The following RGS7 variants were observed in gnomAD, a reference collection of about 807,000 sequenced individuals.
RGS7 encodes the protein regulator of G protein signaling 7.
Under a neutral mutation model 81.1 loss-of-function variants are expected in RGS7, and 27 were observed. The ratio of observed to expected loss-of-function variants is 0.33; its 90% CI spans 0.25 to 0.46. The LOEUF (loss-of-function observed/expected upper bound fraction) is 0.46, where lower values mean the gene tolerates loss of function less well. Among genes scored for constraint, RGS7 ranks in the 20% least tolerant of loss-of-function variants. RGS7 has a pLI of 1.00. For synonymous variants in RGS7, 208 were observed against 207.7 expected, an observed-to-expected ratio of 1.00 and a Z score of -0.01; for missense variants, 396 against 607.4, an observed-to-expected ratio of 0.65 and a Z score of 3.66.
At chr1:241,350,871 T>C (rs998320143) in intron 2 of RGS7, among the ~76,000 whole-genome samples, 1 of 152,048 alleles carries the variant, frequency 6.6e-6, no homozygotes, top group East Asian at 1.9e-4. Context: ...TGAGTTAATG[T>C]AGAATATGTC....
chr1:240,999,419 G>A (rs1014983944), intron 3 of RGS7, among the ~76,000 whole-genome samples: 1 of 152,000 alleles, frequency 6.6e-6, no homozygotes, highest in Admixed American at 6.6e-5. Context: ...GAAAGTTTAC[G>A]AATTGCTTTT....
intron 3 of RGS7, among the ~76,000 whole-genome samples, chr1:241,065,682 CA>C (rs912607955): frequency 5.3e-5 from 8 of 152,260 alleles, no homozygotes; most frequent in Admixed American, 2.0e-4. Flanking sequence ...TTCTTAAAAA[CA>C]AATCACCCAT....
intron 4 of RGS7, among the ~76,000 whole-genome samples, chr1:240,973,140 GT>G (rs1031540237): frequency 5.9e-5 from 9 of 152,104 alleles, no homozygotes; most frequent in Admixed American, 5.2e-4. Flanking sequence ...ATATTCACAA[GT>G]TTCTCTCCTG....
chr1:241,126,722 C>G (rs2066689472), intron 2 of RGS7, among the ~76,000 whole-genome samples: 2 of 152,128 alleles, frequency 1.3e-5, no homozygotes, highest in Admixed American at 1.3e-4. Flanking sequence ...AGGAAAGTGC[C>G]CGGTACAGAG....
intron 4 of RGS7, among the ~76,000 whole-genome samples, chr1:240,980,824 A>T (rs1202677799): frequency 2.0e-5 from 3 of 152,204 alleles, no homozygotes; most frequent in Non-Finnish European, 4.4e-5. Context: ...CCAACAAATC[A>T]GAAACTAATT....
chr1:241,040,479 T>TTCTATTTA (rs200796357), intron 3 of RGS7, among the ~76,000 whole-genome samples: 1 of 151,114 alleles, frequency 6.6e-6, no homozygotes, highest in Non-Finnish European at 1.5e-5. Flanking sequence ...TTACTTTTCT[T>TTCTATTTA]TTTATTTATT....
At position 241,237,910 on chromosome 1, in the gene RGS7, G is replaced by C. The variant is rs555736642; in HGVS notation, c.78+117789C>G. Among the ~76,000 whole-genome samples, 36 of 152,288 alleles carry C rather than the reference G, an allele frequency of 2.4e-4. 1 individual carries two copies. In the South Asian group the frequency reaches 7.3e-3, roughly 31 times the overall value. ...GGGTTCCTCTGAGAATTCCGACTGAGGCAAAACCAGATTTATCAGGGATTT... is the reference window on the plus strand; with the variant it reads ...GGGTTCCTCTGAGAATTCCGACTGACGCAAAACCAGATTTATCAGGGATTT... On this transcript the variant is annotated intron_variant, in intron 2 of 18. Coordinates refer to ENST00000440928, the MANE Select transcript of RGS7 (RefSeq NM_001364886.1).
At chr1:241,352,470 G>A (rs2083305190) in intron 2 of RGS7, among the ~76,000 whole-genome samples, 1 of 152,196 alleles carries the variant, frequency 6.6e-6, no homozygotes, top group African/African-American at 2.4e-5. Flanking sequence ...ACTCTAAACA[G>A]AAGAACTGAT....
chr1:240,958,748 T>G (rs1000874542), intron 4 of RGS7, among the ~76,000 whole-genome samples: 1 of 152,176 alleles, frequency 6.6e-6, no homozygotes, highest in Non-Finnish European at 1.5e-5. Flanking sequence ...GTCAAAAAGC[T>G]TCCTTCTTGC....
intron 2 of RGS7, among the ~76,000 whole-genome samples, chr1:241,213,490 C>G (rs1435256741): frequency 6.6e-6 from 1 of 152,190 alleles, no homozygotes; most frequent in African/African-American, 2.4e-5. Context: ...CAGTCACACT[C>G]AACATCTCTG....
Position 241,284,861 on chromosome 1 carries a change from T to G in RGS7, c.78+70838A>C, listed in dbSNP as rs530126262. Among the ~76,000 whole-genome samples, 935 of 152,130 alleles carry G rather than the reference T, an allele frequency of 6.1e-3. 6 individuals are homozygous for G. Among genetic ancestry groups the G allele is most frequent in the Non-Finnish European group, 9.7e-3 (660 of 67,968 alleles). Reference sequence around the variant, plus strand: ...TCCAAAAGTTTCTGTCTTTCTTTGTTTTTTTTTGTTTGTTTGTTTTTGTTT... The same window carrying G: ...TCCAAAAGTTTCTGTCTTTCTTTGTGTTTTTTTGTTTGTTTGTTTTTGTTT... On this transcript the variant is annotated intron_variant, in intron 2 of 18. Transcript: ENST00000440928.
chr1:241,354,057 C>T (rs1207672252), intron 2 of RGS7, among the ~76,000 whole-genome samples: 2 of 152,092 alleles, frequency 1.3e-5, no homozygotes, highest in Non-Finnish European at 2.9e-5. Flanking sequence ...AGAGGGAATA[C>T]AATTGTTTAG....
chr1:240,847,484 A>C (rs785977), intron 9 of RGS7, among the ~76,000 whole-genome samples: 121,846 of 151,652 alleles, frequency 0.8, 49,383 homozygotes, highest in African/African-American at 0.9. Context: ...TGTGTGAGTT[A>C]TCTTGAAGTC....
chr1:240,987,305 G>T (rs1047932801), intron 3 of RGS7, among the ~76,000 whole-genome samples: 3 of 152,124 alleles, frequency 2.0e-5, no homozygotes, highest in African/African-American at 7.2e-5. Flanking sequence ...GAAAACTTGA[G>T]CTCTTAATCA....
At chr1:241,286,881 G>C (rs1264383194) in intron 2 of RGS7, among the ~76,000 whole-genome samples, 1 of 152,120 alleles carries the variant, frequency 6.6e-6, no homozygotes, top group Non-Finnish European at 1.5e-5. Context: ...ATCAACAAGG[G>C]ACATCTAGAT....
chr1:240,886,664 T>C (rs1012975361), intron 6 of RGS7, among the ~76,000 whole-genome samples: 1 of 152,154 alleles, frequency 6.6e-6, no homozygotes, highest in Non-Finnish European at 1.5e-5. Context: ...AAATAAAGGA[T>C]GATCTAACCA....
At chr1:241,091,157 A>G (rs2063844098) in intron 3 of RGS7, among the ~76,000 whole-genome samples, 1 of 152,350 alleles carries the variant, frequency 6.6e-6, no homozygotes, top group Middle Eastern at 3.4e-3. Flanking sequence ...TGAAAGGAAT[A>G]AAACGAATGT....
intron 2 of RGS7, among the ~76,000 whole-genome samples, chr1:241,341,139 G>A (rs569038270): frequency 2.0e-5 from 3 of 152,132 alleles, no homozygotes; most frequent in Admixed American, 1.3e-4. Context: ...TCACGAAATC[G>A]TAGAAATGGT....
intron 6 of RGS7, among the ~76,000 whole-genome samples, chr1:240,878,478 CTT>C (rs1665819827): frequency 1.7e-5 from 2 of 116,272 alleles, no homozygotes; most frequent in Non-Finnish European, 3.6e-5. Flanking sequence ...TCTTTCTTTT[CTT>C]TTTTCTTTCT....
Sources: allele counts gnomAD v4.1 joint callset (sites outside exome capture counted in the v4.1 genomes callset), GRCh38; gene constraint gnomAD v4.1.1; transcripts MANE v1.5; gene names NCBI Gene and HGNC (gene_info 2026-07-23, HGNC 2026-07-21).